The following ANAPC11 variants were observed in gnomAD, a reference collection of about 807,000 sequenced individuals.
ANAPC11 encodes anaphase promoting complex subunit 11.
A neutral mutation model predicts 11.8 loss-of-function variants in ANAPC11; 5 were observed. That is an observed-to-expected ratio of 0.42 (90% CI 0.22 to 0.89). The LOEUF (loss-of-function observed/expected upper bound fraction) is 0.89. ANAPC11 is among the 40% of genes least tolerant of loss of function. The pLI is 0.28. For missense variants in ANAPC11, 68 were observed against 112.9 expected (o/e 0.60, Z 1.80); for synonymous variants, 45 against 41.0 (o/e 1.10, Z -0.38).
intron 3 of ANAPC11, chr17:81,899,294 T>C (rs1193171614): frequency 6.2e-7 from 1 of 1,613,184 alleles, no homozygotes; most frequent in East Asian, 2.2e-5. Context: ...GCCCGCAGCC[T>C]GTGCCTGTCC....
chr17:81,899,017 C>T (rs1025336006), intron 3 of ANAPC11: 18 of 596,150 alleles, frequency 3.0e-5, no homozygotes, highest in Non-Finnish European at 5.1e-5. Flanking sequence ...GCAGGTCCTC[C>T]CAGGGCTGGG....
chr17:81,891,027 T>C, upstream of ANAPC11: 1 of 766,666 alleles, frequency 1.3e-6, no homozygotes, highest in Non-Finnish European at 2.0e-6. Flanking sequence ...TCCCTTAGAC[T>C]AACTTCCCGC....
chr17:81,891,212 G>C (rs1407360853), upstream of ANAPC11: 11 of 887,744 alleles, frequency 1.2e-5, no homozygotes, highest in Non-Finnish European at 1.4e-5. Context: ...CCGGGCGGCC[G>C]CTCCACCAGC....
intron 3 of ANAPC11, among the ~76,000 whole-genome samples, chr17:81,895,056 T>C (rs1182751314): frequency 2.9e-5 from 4 of 138,838 alleles, no homozygotes; most frequent in South Asian, 2.3e-4. Context: ...TTTTCTTTTT[T>C]TTTTTTTTTT....
chr17:81,899,915 C>T lies in ANAPC11; in HGVS notation c.110-5C>T, dbSNP rs375206392. The T allele has an allele frequency of 3.6e-5, 58 of 1,606,318 alleles. No homozygotes were observed. The highest frequency in any genetic ancestry group is 4.4e-5 in the South Asian group (4 of 90,866). ...CCTGTCCTTTTCCCCACCTCCCCTCCGTAGGCAAGGTGCCCGGCGACGACT... is the reference window on the plus strand; with the variant it reads ...CCTGTCCTTTTCCCCACCTCCCCTCTGTAGGCAAGGTGCCCGGCGACGACT... On this transcript the variant is annotated splice_region_variant and splice_polypyrimidine_tract_variant and intron_variant, in intron 3 of 3. Transcript: ENST00000344877.
Position 81,891,770 on chromosome 17 carries a change from G to T in ANAPC11, c.-146G>T, listed in dbSNP as rs113727280. 8,513 of 350,146 alleles carry T rather than the reference G, an allele frequency of 0.024. 141 individuals carry two copies. Among genetic ancestry groups the T allele is most frequent in the Non-Finnish European group, 0.032 (6,783 of 210,568 alleles). The allele number at this position is 350,146 out of a possible 1,614,324, so 21.7% of individuals were successfully genotyped here. On this transcript the variant is annotated 5_prime_UTR_variant, in exon 1 of 4. Transcript: ENST00000344877. ...CGGCGGGCGCTGTTGAGGGAGTCGG[G>T]CCGCGACTGTGGTCGTTTTTATACC...
Position 81,895,649 on chromosome 17 carries a change from G to T in ANAPC11, c.109+1063G>T, listed in dbSNP as rs757796217. 5.6e-4 allele frequency among the ~76,000 whole-genome samples: 85 copies of T among 152,244 alleles called. 1 individual carries two copies. The highest frequency in any genetic ancestry group is 1.0e-3 in the Non-Finnish European group (70 of 68,016). On this transcript the variant is annotated intron_variant, in intron 3 of 3. Transcript: ENST00000344877. The stretch of plus-strand genomic sequence containing the variant: ...TCACACCTGTCATCCTAGCACTGTG[G>T]GAGGCCAAGGTAGGCAGATCACAGG...
intron 1 of ANAPC11, among the ~76,000 whole-genome samples, chr17:81,892,402 G>A (rs939811873): frequency 2.6e-5 from 4 of 151,932 alleles, no homozygotes; most frequent in African/African-American, 4.8e-5. Context: ...CCAGGAGGTC[G>A]AGGCTGCAGT....
upstream of ANAPC11, chr17:81,891,092 G>T: frequency 1.5e-6 from 1 of 674,290 alleles, no homozygotes; most frequent in East Asian, 3.1e-5. Flanking sequence ...CCCAACGTCC[G>T]GAACAAACAA....
chr17:81,891,387 C>T, upstream of ANAPC11: 2 of 1,121,402 alleles, frequency 1.8e-6, no homozygotes, highest in Admixed American at 4.8e-5. Flanking sequence ...GATGGCCGGC[C>T]GGTTCCGGAT....
chr17:81,891,340 G>A, upstream of ANAPC11: 2 of 1,161,998 alleles, frequency 1.7e-6, no homozygotes, highest in Non-Finnish European at 1.1e-6. Flanking sequence ...TAGGGCGCCG[G>A]TCGGTTCCTG....
downstream of ANAPC11, chr17:81,900,384 G>C: frequency 2.4e-6 from 1 of 408,462 alleles, no homozygotes; most frequent in South Asian, 2.5e-5. Flanking sequence ...AGTCATGACT[G>C]GGAGGAGAAG....
At position 81,894,521 on chromosome 17, in the gene ANAPC11, T is replaced by A; in HGVS notation, c.44T>A (p.Leu15His). 1 of 1,613,090 alleles carries A rather than the reference T, an allele frequency of 6.2e-7. No individual in the cohort carries two copies. Among genetic ancestry groups the A allele is most frequent in the Non-Finnish European group, 8.5e-7 (1 of 1,179,358 alleles). Reference sequence around the variant, plus strand: ...TGCTGGAACGGCGTGGCCACTTGGCTCTGGGTGGCCAACGATGAGAACTGT... The same window carrying A: ...TGCTGGAACGGCGTGGCCACTTGGCACTGGGTGGCCAACGATGAGAACTGT... ...IKCWNGVATWLWVANDENCGI... is the reference protein window; with the variant it reads ...IKCWNGVATWHWVANDENCGI... Residue 15 changes from leucine (L) to histidine (H), a missense_variant, in exon 3 of 4, where the codon CTC (leucine) becomes CAC (histidine). Coordinates refer to ENST00000344877, the MANE Select transcript of ANAPC11 (RefSeq NM_001002248.3).
intron 3 of ANAPC11, chr17:81,898,459 T>C (rs935985215): frequency 2.6e-5 from 4 of 152,250 alleles, no homozygotes; most frequent in Non-Finnish European, 4.4e-5. Context: ...TTTGTTAACA[T>C]GGGGCCTGTT....
At chr17:81,900,271 TG>T, downstream of ANAPC11, 1 of 729,562 alleles carries the variant, frequency 1.4e-6, no homozygotes, top group Non-Finnish European at 2.2e-6. Flanking sequence ...GGCCTCTGGG[TG>T]CCTGTGTTCT....
upstream of ANAPC11, chr17:81,891,630 G>C: frequency 7.5e-7 from 1 of 1,328,026 alleles, no homozygotes; most frequent in Non-Finnish European, 9.7e-7. Context: ...CCGGCGCCGC[G>C]TGAGGCCTTC....
upstream of ANAPC11, chr17:81,891,491 C>T (rs963291405): frequency 4.0e-6 from 5 of 1,249,382 alleles, no homozygotes; most frequent in Middle Eastern, 2.6e-4. Context: ...GGCCCCCGCC[C>T]CGGCCGCCTC....
chr17:81,899,166 G>C (rs564437962), intron 3 of ANAPC11: 6 of 1,457,666 alleles, frequency 4.1e-6, no homozygotes, highest in Admixed American at 1.9e-5. Flanking sequence ...TTCCTCAGGG[G>C]TTTCCAGGCT....
intron 3 of ANAPC11, 123 bp downstream of exon 3, chr17:81,894,709 C>G (rs974812303): frequency 1.1e-5 from 4 of 370,028 alleles, no homozygotes; most frequent in Non-Finnish European, 9.6e-6. Flanking sequence ...TACCCAGTTT[C>G]ATTTTCTTTT....
Sources: allele counts gnomAD v4.1 joint callset (sites outside exome capture counted in the v4.1 genomes callset), GRCh38; gene constraint gnomAD v4.1.1; transcripts MANE v1.5; gene names NCBI Gene and HGNC (gene_info 2026-07-23, HGNC 2026-07-21).